The following SH3BP1 variants were observed in gnomAD, a reference collection of about 807,000 sequenced individuals.
SH3BP1 encodes SH3 domain-binding protein 1.
In SH3BP1, 46 loss-of-function variants were observed where a neutral mutation model predicts 69.8. The observed-to-expected ratio is 0.66, with a 90% CI of 0.52 to 0.84. The LOEUF is 0.84. Ranked by LOEUF, SH3BP1 falls within the 40% of genes least tolerant of loss-of-function variation. The pLI is 0.00. For synonymous variants in SH3BP1, 403 were observed against 378.0 expected (o/e 1.07, Z -0.77); for missense variants, 868 against 930.9 (o/e 0.93, Z 0.88).
rs769416559 is a variant in SH3BP1 at position 37,655,470 on chromosome 22, C to T, written c.1892C>T (p.Ala631Val). The change falls in exon 18 of 18, where the codon GCC becomes GTC. Residue 631 changes from alanine (A) to valine (V), a missense_variant. Physicochemically the swap from Ala to Val is moderately conservative, Grantham distance 64. Transcript: ENST00000649765. The part of the protein sequence containing the change: ...PPLPPTPPQP[A>V]RRQSRRSPAS... The stretch of plus-strand genomic sequence containing the variant: ...TTACCCCCCACACCCCCTCAGCCTG[C>T]CCGGCGCCAAAGCCGGCGTTCACCA... 1.5e-6 allele frequency: 2 copies of T among 1,374,478 alleles called. No homozygotes were observed. Among genetic ancestry groups the T allele is most frequent in the African/African-American group, 1.5e-5 (1 of 67,500 alleles). The allele number at this position is 1,374,478 out of a possible 1,614,324, so 85.1% of individuals were successfully genotyped here. A position where few individuals can be genotyped will look rare whatever the true frequency, so the allele number is the denominator to read the frequency against.
At chr22:37,644,419 A>G (rs1038698386) in intron 7 of SH3BP1, among the ~76,000 whole-genome samples, 5 of 152,224 alleles carry the variant, frequency 3.3e-5, no homozygotes, top group African/African-American at 7.2e-5. Context: ...TGCTAAGTCT[A>G]TGGAGACACA....
chr22:37,650,648 A>T lies in SH3BP1; in HGVS notation c.1521A>T (p.Pro507=). The change falls in exon 16 of 18, where the codon CCA becomes CCT. Residue 507 remains proline (P), a synonymous_variant. Transcript: ENST00000649765. ...EELPSTAVPT[P]ATTPAPAPAP... The stretch of plus-strand genomic sequence containing the variant: ...TTCCGTCCACTGCCGTGCCCACCCC[A>T]GCCACCACCCCGGCTCCGGCTCCGG... The T allele has an allele frequency of 1.2e-6, 2 of 1,613,796 alleles. No homozygotes were observed. Among genetic ancestry groups the T allele is most frequent in the Non-Finnish European group, 1.7e-6 (2 of 1,179,880 alleles).
rs772831816 is a variant in SH3BP1, at chr22:37,655,287, C to T, written c.1709C>T (p.Pro570Leu). ...TCCTCAACAGCCAAGCGCCCGGCGC[C>T]AGCCCGGCCCACCATGCCGCCCCCC... is the stretch of plus-strand genomic sequence containing the variant. ...DMARRTKRPA[P>L]ARPTMPPPQV... is the part of the protein sequence containing the mutation. The change falls in exon 18 of 18, where the codon CCA becomes CTA. Residue 570 changes from proline to leucine, a missense_variant. Transcript: ENST00000649765. 2 of 1,578,714 alleles carry T rather than the reference C, an allele frequency of 1.3e-6. No homozygotes were observed. Among genetic ancestry groups the T allele is most frequent in the Non-Finnish European group, 1.7e-6 (2 of 1,164,732 alleles).
At chr22:37,652,957 G>C (rs1374965440) in intron 16 of SH3BP1, among the ~76,000 whole-genome samples, 2 of 151,634 alleles carry the variant, frequency 1.3e-5, no homozygotes, top group African/African-American at 4.9e-5. Flanking sequence ...CCAACATGGT[G>C]AAACCCCATC....
chr22:37,655,396 C>G lies in SH3BP1; in HGVS notation c.1818C>G (p.Pro606=). The change falls in exon 18 of 18, where the codon CCC becomes CCG. Residue 606 remains proline, a synonymous_variant. Transcript: ENST00000649765. ...SGSPGTPQAL[P]RRLVGSSLRA... ...GCCCTGGGACCCCCCAAGCCCTGCCCCGACGTCTGGTTGGCAGCAGCCTCC... is the reference window on the plus strand; with the variant it reads ...GCCCTGGGACCCCCCAAGCCCTGCCGCGACGTCTGGTTGGCAGCAGCCTCC... The G allele has an allele frequency of 6.8e-7, 1 of 1,464,164 alleles. No individual in the cohort carries two copies. Among genetic ancestry groups the G allele is most frequent in the South Asian group, 1.2e-5 (1 of 80,220 alleles). The allele number at this position is 1,464,164 out of a possible 1,614,324, so 90.7% of individuals were successfully genotyped here.
intron 16 of SH3BP1, 173 bp downstream of exon 16, chr22:37,650,898 A>C: frequency 1.2e-6 from 1 of 808,596 alleles, no homozygotes. Flanking sequence ...CAGAGGCGGA[A>C]TTTGTCTCAG....
rs1386107459 is a variant in SH3BP1 at position 37,649,918 on chromosome 22, G to GATCAC, written c.1317-232_1317-228dup. 11 of 635,036 alleles carry GATCAC rather than the reference G, an allele frequency of 1.7e-5. No individual in the cohort carries two copies. In the Admixed American group the frequency reaches 2.2e-4, roughly 12 times the overall value. 39.3% of individuals were successfully genotyped at this position (635,036 alleles called of 1,614,324 possible). Reference sequence around the variant, plus strand: ...GCATTTGCTTGGTAGAGGCTGTCCAGATCACAACTATGAGGAAAAGGGTCC... The same window carrying GATCAC: ...GCATTTGCTTGGTAGAGGCTGTCCAGATCACATCACAACTATGAGGAAAAGGGTCC... On this transcript the variant is annotated intron_variant, in intron 14 of 17. Coordinates refer to ENST00000649765, the MANE Select transcript of SH3BP1 (RefSeq NM_018957.6).
rs1002715671 is a variant in SH3BP1 at position 37,649,957 on chromosome 22, G to C, written c.1317-195G>C. Reference sequence around the variant, plus strand: ...GGAAAAGGGTCCTTGATTAATTAGTGATGTCTGTCAGGGTGAAGGAAGGGG... The same window carrying C: ...GGAAAAGGGTCCTTGATTAATTAGTCATGTCTGTCAGGGTGAAGGAAGGGG... On this transcript the variant is annotated intron_variant, in intron 14 of 17. Coordinates refer to ENST00000649765, the MANE Select transcript of SH3BP1 (RefSeq NM_018957.6). 4.3e-6 allele frequency: 3 copies of C among 704,622 alleles called. No individual in the cohort carries two copies. The African/African-American group carries it at 5.2e-5, about 12-fold the overall frequency. 43.6% of individuals were successfully genotyped at this position (704,622 alleles called of 1,614,324 possible).
chr22:37,643,551 C>T, intron 6 of SH3BP1, 93 bp from the exon 7 acceptor site: 1 of 1,549,424 alleles, frequency 6.5e-7, no homozygotes, highest in Non-Finnish European at 8.8e-7. Context: ...GCTCTAAATC[C>T]TAGAATCCCA....
At chr22:37,645,684 C>T (rs1007268653) in intron 10 of SH3BP1, among the ~76,000 whole-genome samples, 174 bp downstream of exon 10, 1 of 152,176 alleles carries the variant, frequency 6.6e-6, no homozygotes, top group Admixed American at 6.5e-5. Flanking sequence ...TGTCAATGCT[C>T]GCGTGGGCCA....
At chr22:37,639,974 TC>T in intron 1 of SH3BP1, 128 bp downstream of exon 1, 1 of 630,052 alleles carries the variant, frequency 1.6e-6, no homozygotes, top group Non-Finnish European at 2.6e-6. Context: ...GCGGCCAGAC[TC>T]CTGCTCTCTC....
chr22:37,646,036 G>A (rs1182789427), intron 10 of SH3BP1, among the ~76,000 whole-genome samples: 3 of 147,064 alleles, frequency 2.0e-5, no homozygotes, highest in South Asian at 2.1e-4. Context: ...GCGTGATCTC[G>A]GCTCACTGCA....
intron 6 of SH3BP1, 150 bp from the exon 7 acceptor site, chr22:37,643,494 G>T (rs1932689888): frequency 8.8e-7 from 1 of 1,142,288 alleles, no homozygotes; most frequent in Non-Finnish European, 1.2e-6. Flanking sequence ...AGCACTCATG[G>T]CCCAGCCTGG....
rs1444737904 is a variant in SH3BP1, at chr22:37,642,568, C to G, written c.237C>G (p.Thr79=). ...VKKLPLMALS[T]TMAESFKELD... is the part of the protein sequence containing the mutation. ...AGCTTCCCCTCATGGCTCTGTCCAC[C>G]ACGATGGCTGAGAGCTTCAAGGAGC... The change falls in exon 4 of 18, where the codon ACC becomes ACG. Residue 79 remains threonine, a synonymous_variant. Coordinates refer to ENST00000649765, the MANE Select transcript of SH3BP1 (RefSeq NM_018957.6). 5 of 1,613,250 alleles carry G rather than the reference C, an allele frequency of 3.1e-6. No individual in the cohort carries two copies. Among genetic ancestry groups the G allele is most frequent in the Non-Finnish European group, 4.2e-6 (5 of 1,180,008 alleles).
chr22:37,641,515 G>A (rs1224476009), intron 3 of SH3BP1, 37 bp downstream of exon 3: 2 of 1,501,088 alleles, frequency 1.3e-6, no homozygotes, highest in Non-Finnish European at 1.8e-6. Context: ...GGCCTGAGCA[G>A]GAGACTTCCA....
At chr22:37,639,881 C>G (rs757509720) in intron 1 of SH3BP1, 35 bp downstream of exon 1, 1 of 1,522,580 alleles carries the variant, frequency 6.6e-7, no homozygotes. Context: ...CACTCTTACC[C>G]CGGCAGGACT....
chr22:37,643,515 C>T (rs1481442319), intron 6 of SH3BP1, 129 bp from the exon 7 acceptor site: 17 of 1,332,898 alleles, frequency 1.3e-5, no homozygotes, highest in African/African-American at 7.3e-5. Flanking sequence ...GCAGAGGCCC[C>T]GGCCAGTGGA....
chr22:37,646,896 G>C lies in SH3BP1; in HGVS notation c.1003G>C (p.Glu335Gln), dbSNP rs1932794603. 1.3e-6 allele frequency: 2 copies of C among 1,561,510 alleles called. No homozygotes were observed. Among genetic ancestry groups the C allele is most frequent in the Non-Finnish European group, 1.7e-6 (2 of 1,156,258 alleles). ...QTMASDPHSL[E>Q]EFCSDPHAVA... Reference sequence around the variant, plus strand: ...AATGGCCTCGGACCCCCACAGCCTGGAGGAGTTCTGCTCCGACCCGCACGC... The same window carrying C: ...AATGGCCTCGGACCCCCACAGCCTGCAGGAGTTCTGCTCCGACCCGCACGC... The change falls in exon 11 of 18, where the codon GAG (glutamate) becomes CAG (glutamine). Residue 335 changes from glutamate to glutamine, a missense_variant. Glu to Gln is a conservative substitution (Grantham distance 29). Around this residue, in one of 3 missense-constraint regions of SH3BP1, gnomAD observed 387 missense variants for 447.9 expected, o/e 0.86. Transcript: ENST00000649765.
intron 7 of SH3BP1, among the ~76,000 whole-genome samples, chr22:37,644,146 G>T (rs1331544902): frequency 6.6e-6 from 1 of 152,226 alleles, no homozygotes; most frequent in South Asian, 2.1e-4. Context: ...TGGGGAGGCC[G>T]AGGCAGGCGA....
Sources: gnomAD v4.1 joint callset for allele counts (sites outside exome capture counted in the v4.1 genomes callset) on GRCh38, gnomAD v4.1.1 for gene constraint, gnomAD v4.1.1 regional missense constraint, MANE v1.5 for transcripts, NCBI Gene and HGNC (gene_info 2026-07-23, HGNC 2026-07-21) for gene names.